Variants in SYT16 observed in about 807,000 individuals in gnomAD.
SYT16 encodes synaptotagmin-16.
A neutral mutation model predicts 61.4 loss-of-function variants in SYT16; 42 were observed. That is an observed-to-expected ratio of 0.68 (90% CI 0.53 to 0.89). The LOEUF is 0.89. Ranked by LOEUF, SYT16 falls within the 40% of genes least tolerant of loss-of-function variation. The probability of loss-of-function intolerance (pLI) is 0.00; values close to 1 mark genes in which losing one functional copy is unlikely to be tolerated. For missense variants in SYT16, 804 were observed against 807.3 expected (o/e 1.00, Z 0.05); for synonymous variants, 314 against 302.3 (o/e 1.04, Z -0.40).
chr14:61,971,448 G>T (rs990924277), intron 2 of SYT16, among the ~76,000 whole-genome samples: 2 of 152,178 alleles, frequency 1.3e-5, no homozygotes, highest in Non-Finnish European at 2.9e-5. Context: ...CCTCAGATCA[G>T]ATCCATGTGG....
At chr14:61,895,056 C>T (rs902238775) in intron 1 of SYT16, among the ~76,000 whole-genome samples, 37 of 152,086 alleles carry the variant, frequency 2.4e-4, no homozygotes, top group African/African-American at 7.7e-4. Flanking sequence ...CAGTGCAGAA[C>T]GGCAGAAACA....
chr14:61,877,949 A>G (rs2047558233), intron 1 of SYT16, among the ~76,000 whole-genome samples: 1 of 152,226 alleles, frequency 6.6e-6, no homozygotes, highest in Non-Finnish European at 1.5e-5. Flanking sequence ...AGAATGTCCC[A>G]GGCACACAGG....
At chr14:62,097,330 C>CCACCAGAAAAGAA (rs2057303574) in intron 7 of SYT16, among the ~76,000 whole-genome samples, 1 of 152,160 alleles carries the variant, frequency 6.6e-6, no homozygotes, top group Non-Finnish European at 1.5e-5. Flanking sequence ...CTTTCTGAAT[C>CCACCAGAAAAGAA]ACCACCAGAA....
intron 1 of SYT16, among the ~76,000 whole-genome samples, chr14:61,890,608 T>G (rs192491217): frequency 0.011 from 1,626 of 152,154 alleles, 13 homozygotes; most frequent in Middle Eastern, 0.031. Flanking sequence ...TCTTTTTATA[T>G]GCATCTAGAT....
chr14:61,839,422 A>G (rs1296316697), intron 1 of SYT16, among the ~76,000 whole-genome samples: 3 of 152,204 alleles, frequency 2.0e-5, no homozygotes, highest in African/African-American at 7.2e-5. Flanking sequence ...AGTCTGTAGT[A>G]TTTTGTTATA....
chr14:62,020,656 C>T (rs777965307), intron 3 of SYT16, among the ~76,000 whole-genome samples: 3 of 152,212 alleles, frequency 2.0e-5, no homozygotes, highest in Non-Finnish European at 4.4e-5. Flanking sequence ...CTCTTTCCAC[C>T]TGGTTCTGAC....
intron 3 of SYT16, among the ~76,000 whole-genome samples, chr14:62,062,343 T>C (rs77991230): frequency 6.6e-6 from 1 of 152,200 alleles, no homozygotes; most frequent in African/African-American, 2.4e-5. Context: ...CATCAGTGTT[T>C]TTAAAACTTA....
intron 4 of SYT16, among the ~76,000 whole-genome samples, chr14:62,072,360 C>T (rs116364013): frequency 6.4e-4 from 97 of 152,212 alleles, no homozygotes; most frequent in African/African-American, 2.3e-3. Context: ...TGTACATGTA[C>T]ATGCAAACAC....
chr14:61,849,074 C>T (rs1162628297), intron 1 of SYT16, among the ~76,000 whole-genome samples: 1 of 152,198 alleles, frequency 6.6e-6, no homozygotes, highest in East Asian at 1.9e-4. Flanking sequence ...AGCAGGCTCC[C>T]TTCTGGCCCA....
intron 3 of SYT16, among the ~76,000 whole-genome samples, chr14:62,062,405 G>A (rs780880201): frequency 5.3e-5 from 8 of 152,062 alleles, no homozygotes; most frequent in Non-Finnish European, 8.8e-5. Context: ...AAAATGTAAA[G>A]CATATTAAAA....
At chr14:61,901,762 AATTATT>A (rs1555354445) in intron 1 of SYT16, among the ~76,000 whole-genome samples, 2 of 138,850 alleles carry the variant, frequency 1.4e-5, no homozygotes, top group African/African-American at 2.9e-5. Context: ...TAATAATAAT[AATTATT>A]ATTATTATTA....
intron 2 of SYT16, among the ~76,000 whole-genome samples, chr14:61,980,683 T>C (rs1566735291): frequency 6.6e-6 from 1 of 152,180 alleles, no homozygotes; most frequent in Non-Finnish European, 1.5e-5. Context: ...TTGTAGTCCC[T>C]ACTCTCTTAG....
chr14:62,013,283 T>A (rs1329501483), intron 3 of SYT16, among the ~76,000 whole-genome samples: 2 of 152,202 alleles, frequency 1.3e-5, no homozygotes, highest in African/African-American at 4.8e-5. Context: ...ACTCAAAACA[T>A]CAAGGCATTC....
At chr14:62,017,087 T>C (rs12884738) in intron 3 of SYT16, among the ~76,000 whole-genome samples, 3,085 of 152,334 alleles carry the variant, frequency 0.02, 41 homozygotes, top group Non-Finnish European at 0.033. Context: ...AGTGGCATGC[T>C]CTTTTGGGTT....
At chr14:62,001,842 T>C (rs1311993483) in intron 3 of SYT16, among the ~76,000 whole-genome samples, 4 of 152,084 alleles carry the variant, frequency 2.6e-5, no homozygotes, top group South Asian at 2.1e-4. Context: ...AGTTTACTAA[T>C]ATTTTCTTTG....
chr14:61,965,796 C>T (rs2051291806), intron 1 of SYT16, among the ~76,000 whole-genome samples: 2 of 151,638 alleles, frequency 1.3e-5, no homozygotes, highest in Admixed American at 6.6e-5. Context: ...AATAAATTAT[C>T]GAAGATGCAA....
Position 61,992,535 on chromosome 14 carries a change from C to A in SYT16, c.-144-3341C>A, listed in dbSNP as rs143672465. ...TCCAGTGTCCTTTTGTACCTCTAGA[C>A]CTCCTCAGACCCAGTGATACAGCAA... On this transcript the variant is annotated intron_variant, in intron 2 of 7. Transcript: ENST00000683842. Among the ~76,000 whole-genome samples the A allele has an allele frequency of 1.9e-3, 296 of 152,222 alleles. 2 individuals carry two copies. The highest frequency in any genetic ancestry group is 6.6e-3 in the African/African-American group (273 of 41,556).
At chr14:62,043,745 T>C (rs1000127853) in intron 3 of SYT16, among the ~76,000 whole-genome samples, 1 of 152,132 alleles carries the variant, frequency 6.6e-6, no homozygotes, top group African/African-American at 2.4e-5. Context: ...TCCACATCTA[T>C]TGAGATGATT....
chr14:61,937,098 T>G (rs1254784098), intron 1 of SYT16, among the ~76,000 whole-genome samples: 1 of 152,234 alleles, frequency 6.6e-6, no homozygotes, highest in Non-Finnish European at 1.5e-5. Context: ...CTGGGCTGGC[T>G]GGAGCAGGGA....
Sources: gnomAD v4.1 joint callset for allele counts (sites outside exome capture counted in the v4.1 genomes callset) on GRCh38, gnomAD v4.1.1 for gene constraint, MANE v1.5 for transcripts, NCBI Gene and HGNC (gene_info 2026-07-23, HGNC 2026-07-21) for gene names.